NYAP2: variants seen among roughly 807,000 people sequenced by gnomAD.
The protein encoded by NYAP2 is neuronal tyrosine-phosphorylated phosphoinositide-3-kinase adaptor 2, also known as neuronal tyrosine-phosphorylated phosphoinositide-3-kinase adapter 2.
In NYAP2, 23 loss-of-function variants were observed where a neutral mutation model predicts 50.4. That is an observed-to-expected ratio of 0.46 (90% CI 0.33 to 0.65). The LOEUF is 0.65. NYAP2 is among the 30% of genes least tolerant of loss of function. The pLI is 0.02. For missense variants in NYAP2, 885 were observed against 861.0 expected, an observed-to-expected ratio of 1.03 and a Z score of -0.35; for synonymous variants, 394 against 365.2, an observed-to-expected ratio of 1.08 and a Z score of -0.90.
intron 4 of NYAP2, among the ~76,000 whole-genome samples, chr2:225,573,532 G>A (rs1445649095): frequency 1.3e-5 from 2 of 151,998 alleles, no homozygotes; most frequent in Non-Finnish European, 2.9e-5. Flanking sequence ...TTGCAGGTGT[G>A]AGCCACCACG....
chr2:225,675,502 T>G, the NYAP2 span, among the ~76,000 whole-genome samples: 2 of 152,316 alleles, frequency 1.3e-5, no homozygotes, highest in East Asian at 3.9e-4. Flanking sequence ...CTTCCTAGTA[T>G]TCCATGGTGT....
At chr2:225,414,262 A>G (rs1327903186) in intron 3 of NYAP2, among the ~76,000 whole-genome samples, 1 of 152,222 alleles carries the variant, frequency 6.6e-6, no homozygotes, top group Non-Finnish European at 1.5e-5. Context: ...CGATGCTCTT[A>G]GTGTTTTTCT....
intron 3 of NYAP2, among the ~76,000 whole-genome samples, chr2:225,470,027 C>T (rs959910007): frequency 5.9e-5 from 9 of 151,952 alleles, no homozygotes; most frequent in Non-Finnish European, 8.8e-5. Flanking sequence ...TAATAGCTAA[C>T]GGGCCTAACA....
chr2:225,612,188 G>A (rs1692898055), intron 5 of NYAP2, among the ~76,000 whole-genome samples: 1 of 149,570 alleles, frequency 6.7e-6, no homozygotes. Flanking sequence ...GAGATGAGTT[G>A]TGTATAAGAT....
intron 4 of NYAP2, among the ~76,000 whole-genome samples, chr2:225,537,058 G>A (rs570422594): frequency 8.5e-5 from 13 of 152,102 alleles, no homozygotes; most frequent in South Asian, 2.1e-4. Context: ...GATTACAGGC[G>A]TGAGCCACTG....
intron 5 of NYAP2, among the ~76,000 whole-genome samples, chr2:225,623,944 T>C (rs1693166397): frequency 1.3e-5 from 2 of 152,210 alleles, no homozygotes; most frequent in Admixed American, 1.3e-4. Context: ...GTTTTAGAAC[T>C]ACAGTGATCA....
At chr2:225,419,347 T>C (rs1404920918) in intron 3 of NYAP2, among the ~76,000 whole-genome samples, 1 of 152,216 alleles carries the variant, frequency 6.6e-6, no homozygotes, top group Non-Finnish European at 1.5e-5. Context: ...ACATAGATAA[T>C]TAGTTGATGC....
intron 3 of NYAP2, among the ~76,000 whole-genome samples, chr2:225,418,004 G>GA (rs11447656): frequency 0.088 from 13,284 of 150,452 alleles, 714 homozygotes; most frequent in East Asian, 0.17. Context: ...CAAATTCTGT[G>GA]AAAAAAAAAT....
chr2:225,680,319 T>C, the NYAP2 span, among the ~76,000 whole-genome samples: 1 of 152,182 alleles, frequency 6.6e-6, no homozygotes, highest in Non-Finnish European at 1.5e-5. Context: ...TATAAGAGGA[T>C]ACCAATAAAG....
At chr2:225,634,791 G>A (rs757738477) in intron 6 of NYAP2, among the ~76,000 whole-genome samples, 5 of 151,996 alleles carry the variant, frequency 3.3e-5, no homozygotes, top group Non-Finnish European at 5.9e-5. Flanking sequence ...TTCATCTTCT[G>A]GTCACTACAT....
At chr2:225,427,078 C>A (rs1425518619) in intron 3 of NYAP2, among the ~76,000 whole-genome samples, 1 of 152,168 alleles carries the variant, frequency 6.6e-6, no homozygotes, top group Admixed American at 6.5e-5. Flanking sequence ...AACCTAGAAT[C>A]TTTGTGTAAG....
intron 3 of NYAP2, among the ~76,000 whole-genome samples, chr2:225,491,701 T>C (rs1284052498): frequency 6.6e-6 from 1 of 152,216 alleles, no homozygotes; most frequent in African/African-American, 2.4e-5. Context: ...GTTAGTGACA[T>C]TTCAAGTCAT....
chr2:225,671,910 T>C, the NYAP2 span, among the ~76,000 whole-genome samples: 1 of 152,102 alleles, frequency 6.6e-6, no homozygotes, highest in Non-Finnish European at 1.5e-5. Flanking sequence ...GAATTCTTTT[T>C]TTTTCTGTGC....
At chr2:225,542,954 G>A (rs569879096) in intron 4 of NYAP2, among the ~76,000 whole-genome samples, 16 of 152,044 alleles carry the variant, frequency 1.1e-4, no homozygotes, top group Admixed American at 4.6e-4. Flanking sequence ...CTTGCAATTC[G>A]TCTGTTCAGT....
chr2:225,615,208 G>T (rs1559230516), intron 5 of NYAP2, among the ~76,000 whole-genome samples: 2 of 152,148 alleles, frequency 1.3e-5, no homozygotes, highest in Non-Finnish European at 2.9e-5. Flanking sequence ...AGGACAAAGG[G>T]ATTTGGTCAG....
At chr2:225,609,038 A>T (rs1335972550) in intron 5 of NYAP2, among the ~76,000 whole-genome samples, 2 of 152,146 alleles carry the variant, frequency 1.3e-5, no homozygotes, top group East Asian at 3.9e-4. Flanking sequence ...TGCCCTATAG[A>T]TCGCTGCCTT....
At chr2:225,520,590 T>C (rs1691034539) in intron 4 of NYAP2, among the ~76,000 whole-genome samples, 1 of 152,108 alleles carries the variant, frequency 6.6e-6, no homozygotes, top group Non-Finnish European at 1.5e-5. Context: ...TGTAGATGTG[T>C]GGTGTTATTT....
At chr2:225,441,628 G>A (rs548483818) in intron 3 of NYAP2, among the ~76,000 whole-genome samples, 2 of 152,308 alleles carry the variant, frequency 1.3e-5, no homozygotes, top group East Asian at 3.9e-4. Context: ...AGGAGAGAGA[G>A]AGTGTGCAGG....
intron 2 of NYAP2, among the ~76,000 whole-genome samples, chr2:225,401,691 C>T (rs1158086310): frequency 1.3e-5 from 2 of 151,968 alleles, no homozygotes. Context: ...GTTGGGGTGT[C>T]TCCATCCTAA....
Sources: gnomAD v4.1 joint callset for allele counts (sites outside exome capture counted in the v4.1 genomes callset) on GRCh38, gnomAD v4.1.1 for gene constraint, MANE v1.5 for transcripts, NCBI Gene and HGNC (gene_info 2026-07-23, HGNC 2026-07-21) for gene names.